PTPRN2: variants seen among roughly 807,000 people sequenced by gnomAD.
The protein encoded by PTPRN2 is receptor-type tyrosine-protein phosphatase N2.
Under a neutral mutation model 118.8 loss-of-function variants are expected in PTPRN2, and 74 were observed. The ratio of observed to expected loss-of-function variants is 0.62; its 90% CI spans 0.52 to 0.76. The LOEUF (loss-of-function observed/expected upper bound fraction) is 0.76. Ranked by LOEUF, PTPRN2 falls within the 30% of genes least tolerant of loss-of-function variation. PTPRN2 has a pLI of 0.00. For missense variants in PTPRN2, 1,481 were observed against 1,394.4 expected, an observed-to-expected ratio of 1.06 and a Z score of -0.99; for synonymous variants, 641 against 608.0, an observed-to-expected ratio of 1.05 and a Z score of -0.80.
At chr7:157,992,145 T>C (rs533428827) in intron 11 of PTPRN2, among the ~76,000 whole-genome samples, 100 of 152,352 alleles carry the variant, frequency 6.6e-4, no homozygotes, top group Non-Finnish European at 1.2e-3. Flanking sequence ...TTTTTAATTA[T>C]ATCATCTAAT....
Position 158,563,151 on chromosome 7 carries a change from G to C in PTPRN2, c.112+24407C>G, listed in dbSNP as rs984734667. 3.9e-5 allele frequency among the ~76,000 whole-genome samples: 6 copies of C among 152,278 alleles called. No individual in the cohort carries two copies. Among genetic ancestry groups the C allele is most frequent in the African/African-American group, 1.4e-4 (6 of 41,544 alleles). On this transcript the variant is annotated intron_variant, in intron 1 of 22. Coordinates refer to ENST00000389418, the MANE Select transcript of PTPRN2 (RefSeq NM_002847.5). This position sits in a 1 kb window ranked among gnomAD's most constrained non-coding sequence, Gnocchi z 5.1. ...TGGTGCAGTGCCACCGAAGAAGAGA[G>C]GTCCTACCTGAAACCTCACAGGGAA...
At chr7:158,151,381 A>G (rs1319512986) in intron 6 of PTPRN2, among the ~76,000 whole-genome samples, 1 of 141,426 alleles carries the variant, frequency 7.1e-6, no homozygotes, top group Non-Finnish European at 1.5e-5. Flanking sequence ...CTCCCTGCCC[A>G]CACCGCCCGC....
At chr7:158,143,335 C>T (rs576018610) in intron 6 of PTPRN2, among the ~76,000 whole-genome samples, 33 of 152,294 alleles carry the variant, frequency 2.2e-4, no homozygotes, top group African/African-American at 7.5e-4. Flanking sequence ...CAGGAGGCAC[C>T]GGAGCCTGCG....
At chr7:158,127,013 C>T (rs1223762005) in intron 9 of PTPRN2, among the ~76,000 whole-genome samples, 1 of 152,182 alleles carries the variant, frequency 6.6e-6, no homozygotes, top group East Asian at 1.9e-4. Flanking sequence ...CTTGCCTTCT[C>T]CGAGGTGCAA....
At chr7:157,878,377 G>A (rs1047275636) in intron 12 of PTPRN2, among the ~76,000 whole-genome samples, 7 of 149,442 alleles carry the variant, frequency 4.7e-5, no homozygotes, top group Admixed American at 1.3e-4. Flanking sequence ...CTTACTCACC[G>A]AGAAGCTCTC....
At chr7:158,350,077 A>C (rs1459664649) in intron 2 of PTPRN2, among the ~76,000 whole-genome samples, 1 of 152,166 alleles carries the variant, frequency 6.6e-6, no homozygotes, top group Non-Finnish European at 1.5e-5. Context: ...AAACATCCTC[A>C]AACAGAATGG....
chr7:157,860,610 A>C lies in PTPRN2; in HGVS notation c.1788+38063T>G, dbSNP rs79123144. Among the ~76,000 whole-genome samples, 481 of 152,384 alleles carry C rather than the reference A, an allele frequency of 3.2e-3. 4 individuals carry two copies. The highest frequency in any genetic ancestry group is 0.011 in the African/African-American group (437 of 41,596). On this transcript the variant is annotated intron_variant, in intron 12 of 22. Coordinates refer to ENST00000389418, the MANE Select transcript of PTPRN2 (RefSeq NM_002847.5). The stretch of plus-strand genomic sequence containing the variant: ...CCACGCTGGAACTAGATACCACTCC[A>C]TGCAAATCTCATTTCTGTTCTTTAA...
chr7:158,170,395 C>T (rs1482826457), intron 5 of PTPRN2, among the ~76,000 whole-genome samples: 2 of 152,160 alleles, frequency 1.3e-5, no homozygotes, highest in Non-Finnish European at 2.9e-5. Context: ...ACGCAAAGGG[C>T]CTTTAATTAA....
intron 12 of PTPRN2, among the ~76,000 whole-genome samples, chr7:157,697,875 T>C (rs1238959859): frequency 6.7e-6 from 1 of 150,298 alleles, no homozygotes; most frequent in Non-Finnish European, 1.5e-5. Flanking sequence ...CATCTACTCA[T>C]GCATACTGGG....
At chr7:157,971,185 G>A (rs951300764) in intron 11 of PTPRN2, among the ~76,000 whole-genome samples, 5 of 152,200 alleles carry the variant, frequency 3.3e-5, no homozygotes, top group Admixed American at 2.0e-4. Flanking sequence ...TCAGAGCTTT[G>A]TACATACTAA....
intron 2 of PTPRN2, among the ~76,000 whole-genome samples, chr7:158,322,624 C>A (rs1038462110): frequency 4.6e-5 from 7 of 152,332 alleles, no homozygotes; most frequent in African/African-American, 1.7e-4. Context: ...CAGCACCTGG[C>A]CCTGGTCAGC....
intron 11 of PTPRN2, among the ~76,000 whole-genome samples, chr7:157,908,353 T>C (rs1797897295): frequency 6.6e-6 from 1 of 152,246 alleles, no homozygotes; most frequent in Non-Finnish European, 1.5e-5. Flanking sequence ...AGGCCTTTCA[T>C]GCCTGGGAGA....
At chr7:157,933,216 G>A (rs1352354143) in intron 11 of PTPRN2, among the ~76,000 whole-genome samples, 1 of 142,902 alleles carries the variant, frequency 7.0e-6, no homozygotes, top group Non-Finnish European at 1.6e-5. Flanking sequence ...TAGAGGAAGG[G>A]TGAGTCACTC....
At chr7:157,800,938 A>T (rs187149478) in intron 12 of PTPRN2, among the ~76,000 whole-genome samples, 2 of 151,552 alleles carry the variant, frequency 1.3e-5, no homozygotes, top group East Asian at 1.9e-4. Context: ...GGCAACAGAG[A>T]GAGACTCCGT....
intron 1 of PTPRN2, among the ~76,000 whole-genome samples, chr7:158,583,352 G>A (rs796923590): frequency 6.6e-5 from 10 of 152,248 alleles, no homozygotes; most frequent in African/African-American, 2.4e-4. Flanking sequence ...GGAAGCTGGA[G>A]ACCCAACATG....
chr7:158,448,850 G>T (rs186390773), intron 2 of PTPRN2, among the ~76,000 whole-genome samples: 1 of 152,370 alleles, frequency 6.6e-6, no homozygotes, highest in Admixed American at 6.5e-5. Flanking sequence ...ATGGTCAGGA[G>T]CAACGGCGTT....
intron 1 of PTPRN2, among the ~76,000 whole-genome samples, chr7:158,567,570 T>G (rs1827736812): frequency 6.6e-6 from 1 of 152,202 alleles, no homozygotes; most frequent in Non-Finnish European, 1.5e-5. Flanking sequence ...ACAACACAAG[T>G]AGGTCCCCAA....
At chr7:158,231,524 C>T (rs1006573914) in intron 3 of PTPRN2, among the ~76,000 whole-genome samples, 1 of 152,160 alleles carries the variant, frequency 6.6e-6, no homozygotes, top group African/African-American at 2.4e-5. Context: ...ACAATAATGG[C>T]AGGGCACTTC....
rs1239116388 is a variant in PTPRN2, at chr7:157,598,733, C to T, written c.2419-3418G>A. On this transcript the variant is annotated intron_variant, in intron 16 of 22. Transcript: ENST00000389418. This position sits in a 1 kb window ranked among gnomAD's most constrained non-coding sequence, Gnocchi z 5.2. ...TCAGGCGGTCTGCGGCCCGTGAACA[C>T]GCGTCCATGCTGTCCTCAGTGAACC... 2.6e-5 allele frequency among the ~76,000 whole-genome samples: 4 copies of T among 152,206 alleles called. No homozygotes were observed. Among genetic ancestry groups the T allele is most frequent in the East Asian group, 1.9e-4 (1 of 5,188 alleles).
Sources: allele counts gnomAD v4.1 joint callset (sites outside exome capture counted in the v4.1 genomes callset), GRCh38; gene constraint gnomAD v4.1.1; non-coding constraint Gnocchi (gnomAD v3.1); transcripts MANE v1.5; gene names NCBI Gene and HGNC (gene_info 2026-07-23, HGNC 2026-07-21).